IL2RB: variants seen among roughly 807,000 people sequenced by gnomAD.
The protein encoded by IL2RB is interleukin-2 receptor subunit beta.
IL2RB carries 17 observed loss-of-function variants against 44.2 expected under a neutral mutation model. That is an observed-to-expected ratio of 0.38 (90% CI 0.26 to 0.58). The LOEUF is 0.58. IL2RB is among the 20% of genes least tolerant of loss of function. IL2RB has a pLI of 0.63. For missense variants in IL2RB, 624 were observed against 685.5 expected (o/e 0.91, Z 1.00); for synonymous variants, 286 against 297.9 (o/e 0.96, Z 0.41).
At chr22:37,168,980 G>A (rs1435493445) in intron 1 of IL2RB, among the ~76,000 whole-genome samples, 2 of 151,912 alleles carry the variant, frequency 1.3e-5, no homozygotes, top group Non-Finnish European at 2.9e-5. Context: ...CGCTTACAGA[G>A]GGGTCCTTGT....
chr22:37,164,225 A>G (rs943732443), intron 1 of IL2RB, among the ~76,000 whole-genome samples: 1 of 151,720 alleles, frequency 6.6e-6, no homozygotes, highest in Non-Finnish European at 1.5e-5. Context: ...CCACCTCTCC[A>G]AAAGTACCCG....
chr22:37,160,972 T>C lies in IL2RB; in HGVS notation c.-34+13986A>G, dbSNP rs559354756. On this transcript the variant is annotated intron_variant, in intron 1 of 5. Coordinates refer to the IL2RB transcript ENST00000429622. The stretch of plus-strand genomic sequence containing the variant: ...GCCTGACCAACGTGGTGAAACCCCA[T>C]CTCTACTAAAAATACAAAATTAGCT... Among the ~76,000 whole-genome samples, 25 of 152,096 alleles carry C rather than the reference T, an allele frequency of 1.6e-4. No individual in the cohort carries two copies. In the East Asian group the frequency reaches 4.8e-3, roughly 29 times the overall value.
chr22:37,149,977 G>C (rs1922409339), upstream of IL2RB: 1 of 925,564 alleles, frequency 1.1e-6, no homozygotes, highest in African/African-American at 1.8e-5. Flanking sequence ...GCAGAGGATA[G>C]AGGGGCAAGG....
intron 8 of IL2RB, among the ~76,000 whole-genome samples, chr22:37,134,183 A>T (rs1051775953): frequency 2.2e-4 from 34 of 152,238 alleles, no homozygotes; most frequent in African/African-American, 8.2e-4. Context: ...ACAAATTTTT[A>T]AAATACAGCA....
intron 3 of IL2RB, among the ~76,000 whole-genome samples, chr22:37,143,071 C>G (rs1255282330): frequency 6.6e-6 from 1 of 152,160 alleles, no homozygotes; most frequent in Non-Finnish European, 1.5e-5. Flanking sequence ...AGTGACATCT[C>G]TCTCCCATCC....
chr22:37,137,635 T>A lies in IL2RB; in HGVS notation c.489A>T (p.Arg163Ser). Residue 163 changes from arginine (R) to serine (S), a missense_variant, in exon 6 of 10, where the codon AGA becomes AGT. Coordinates refer to ENST00000216223, the MANE Select transcript of IL2RB (RefSeq NM_000878.5). Reference sequence around the variant, plus strand: ...GCGTCCGGGCCTCGAACTCCAGGTGTCTTTCAAAGTAGTGGGAGGCTTGGG... The same window carrying A: ...GCGTCCGGGCCTCGAACTCCAGGTGACTTTCAAAGTAGTGGGAGGCTTGGG... ...EISQASHYFE[R>S]HLEFEARTLS... 6.2e-7 allele frequency: 1 copy of A among 1,614,144 alleles called. No individual in the cohort carries two copies. Among genetic ancestry groups the A allele is most frequent in the Middle Eastern group, 1.6e-4 (1 of 6,062 alleles).
upstream of IL2RB, among the ~76,000 whole-genome samples, chr22:37,150,617 T>C (rs189227049): frequency 7.2e-5 from 11 of 152,350 alleles, no homozygotes; most frequent in East Asian, 2.1e-3. Flanking sequence ...TTTTTAAATG[T>C]ACAATAAATT....
At position 37,127,984 on chromosome 22, in the gene IL2RB, G is replaced by T; in HGVS notation, c.*112C>A. The T allele has an allele frequency of 1.1e-6, 1 of 892,448 alleles. No individual in the cohort carries two copies. The highest frequency in any genetic ancestry group is 1.6e-6 in the Non-Finnish European group (1 of 643,036). 55.3% of individuals were successfully genotyped at this position (892,448 alleles called of 1,614,324 possible). On this transcript the variant is annotated 3_prime_UTR_variant, in exon 10 of 10. Coordinates refer to ENST00000216223, the MANE Select transcript of IL2RB (RefSeq NM_000878.5). ...GGGGCCATCCGGGTGGAGAAGTCCA[G>T]CTGCAACTGGACACTGAGTGTCCTC... is the stretch of plus-strand genomic sequence containing the variant.
Position 37,127,480 on chromosome 22 carries a change from AG to A in IL2RB, c.*615del, listed in dbSNP as rs767890904. The A allele has an allele frequency of 3.3e-5, 5 of 152,124 alleles. No individual in the cohort carries two copies. Among genetic ancestry groups the A allele is most frequent in the Non-Finnish European group, 7.4e-5 (5 of 67,986 alleles). The allele number at this position is 152,124 out of a possible 1,614,324, so 9.4% of individuals were successfully genotyped here. On this transcript the variant is annotated 3_prime_UTR_variant, in exon 10 of 10. Coordinates refer to ENST00000216223, the MANE Select transcript of IL2RB (RefSeq NM_000878.5). ...CCCCAGGGAATAGCATGTGCAACAG[AG>A]GGGGTGTGAGGGAGCTCTGAGTGGC...
intron 1 of IL2RB, among the ~76,000 whole-genome samples, chr22:37,162,339 C>A (rs1452109633): frequency 6.6e-6 from 1 of 152,146 alleles, no homozygotes; most frequent in African/African-American, 2.4e-5. Flanking sequence ...TAAAAACCTC[C>A]TCTGCCTAAT....
chr22:37,155,566 C>T (rs1922651336), intron 1 of IL2RB, among the ~76,000 whole-genome samples: 1 of 152,216 alleles, frequency 6.6e-6, no homozygotes. Context: ...GCCAGGAAAC[C>T]AGGCCTCATG....
chr22:37,159,829 T>A (rs1266146405), intron 1 of IL2RB, among the ~76,000 whole-genome samples: 1 of 152,204 alleles, frequency 6.6e-6, no homozygotes, highest in Non-Finnish European at 1.5e-5. Flanking sequence ...CCCACTTTGG[T>A]TGGCACTCAG....
At chr22:37,154,274 G>C (rs1039316981), upstream of IL2RB, among the ~76,000 whole-genome samples, 10 of 152,232 alleles carry the variant, frequency 6.6e-5, no homozygotes, top group Non-Finnish European at 7.3e-5. Context: ...CAGATGGAGA[G>C]GCAGGGAGGG....
At chr22:37,156,292 C>A (rs1320389225) in intron 1 of IL2RB, among the ~76,000 whole-genome samples, 1 of 152,184 alleles carries the variant, frequency 6.6e-6, no homozygotes, top group Non-Finnish European at 1.5e-5. Context: ...CTGCCATCAC[C>A]GCCTCCACTG....
rs1324563262 is a variant in IL2RB at position 37,141,507 on chromosome 22, C to A, written c.282+927G>T. ...CAGTGTGAGTCGGGGACAAGCGGGA[C>A]CCCTGCCCCTTCCGAGGTAGCCAGG... On this transcript the variant is annotated intron_variant, in intron 4 of 9. Coordinates refer to ENST00000216223, the MANE Select transcript of IL2RB (RefSeq NM_000878.5). The surrounding 1 kb of genome is among the most constrained non-coding windows in gnomAD (Gnocchi z 4.4). Among the ~76,000 whole-genome samples, 1 of 151,918 alleles carries A rather than the reference C, an allele frequency of 6.6e-6. No homozygotes were observed. Among genetic ancestry groups the A allele is most frequent in the Non-Finnish European group, 1.5e-5 (1 of 67,930 alleles).
At chr22:37,139,605 C>T (rs1192692103) in intron 4 of IL2RB, among the ~76,000 whole-genome samples, 2 of 152,136 alleles carry the variant, frequency 1.3e-5, no homozygotes, top group Admixed American at 6.5e-5. Flanking sequence ...GAGTGAGCTC[C>T]CTGTTACAGG....
chr22:37,154,669 C>T (rs1413207065), upstream of IL2RB, among the ~76,000 whole-genome samples: 4 of 151,828 alleles, frequency 2.6e-5, no homozygotes, highest in Non-Finnish European at 2.9e-5. Context: ...TCCGCCTCCC[C>T]GGTTCAAACA....
chr22:37,165,472 G>C (rs1923036401), intron 1 of IL2RB, among the ~76,000 whole-genome samples: 1 of 152,118 alleles, frequency 6.6e-6, no homozygotes, highest in African/African-American at 2.4e-5. Flanking sequence ...GTATTATCCT[G>C]GCTCAGGGCT....
At chr22:37,162,411 G>A (rs927792592) in intron 1 of IL2RB, among the ~76,000 whole-genome samples, 1 of 152,200 alleles carries the variant, frequency 6.6e-6, no homozygotes, top group Admixed American at 6.5e-5. Flanking sequence ...ACAGCCCACC[G>A]ACTTGCTGGA....
Sources: allele counts gnomAD v4.1 joint callset (sites outside exome capture counted in the v4.1 genomes callset), GRCh38; gene constraint gnomAD v4.1.1; non-coding constraint Gnocchi (gnomAD v3.1); transcripts MANE v1.5; gene names NCBI Gene and HGNC (gene_info 2026-07-23, HGNC 2026-07-21).